CTNNA2: variants seen among roughly 807,000 people sequenced by gnomAD.
CTNNA2 encodes catenin alpha-2.
In CTNNA2, 42 loss-of-function variants were observed where a neutral mutation model predicts 101.0. That is an observed-to-expected ratio of 0.42 (90% confidence interval 0.32 to 0.54). The LOEUF is 0.54. Among genes scored for constraint, CTNNA2 ranks in the 20% least tolerant of loss-of-function variants. The probability of loss-of-function intolerance (pLI) is 0.14; values close to 1 mark genes in which losing one functional copy is unlikely to be tolerated. For synonymous variants in CTNNA2, 450 were observed against 456.4 expected, an observed-to-expected ratio of 0.99 and a Z score of 0.18; for missense variants, 871 against 1,223.1, an observed-to-expected ratio of 0.71 and a Z score of 4.29.
intron 1 of CTNNA2, among the ~76,000 whole-genome samples, chr2:79,644,130 C>T (rs995923944): frequency 4.6e-5 from 7 of 152,140 alleles, no homozygotes; most frequent in East Asian, 1.9e-4. Context: ...CTCTGCCTAC[C>T]GGGTTCAAAC....
At chr2:79,316,672 A>G (rs1235073027) in intron 3 of CTNNA2, among the ~76,000 whole-genome samples, 2 of 151,572 alleles carry the variant, frequency 1.3e-5, no homozygotes, top group Non-Finnish European at 3.0e-5. Flanking sequence ...ACTATTTTTA[A>G]TATAATTATA....
intron 7 of CTNNA2, among the ~76,000 whole-genome samples, chr2:80,020,998 T>TC (rs1694520161): frequency 7.1e-6 from 1 of 141,630 alleles, no homozygotes; most frequent in Non-Finnish European, 1.5e-5. Context: ...ATCATCTTTT[T>TC]TTTTTTTTTT....
chr2:79,403,933 T>C (rs1678314513), intron 4 of CTNNA2, among the ~76,000 whole-genome samples: 1 of 151,962 alleles, frequency 6.6e-6, no homozygotes, highest in Non-Finnish European at 1.5e-5. Context: ...GAAATTCTCA[T>C]CCAAACTGAT....
At chr2:79,815,162 T>C (rs556602069) in intron 3 of CTNNA2, among the ~76,000 whole-genome samples, 1 of 152,288 alleles carries the variant, frequency 6.6e-6, no homozygotes, top group East Asian at 1.9e-4. Context: ...TTGTAGATTT[T>C]GGATATTCGT....
At chr2:79,964,689 C>T (rs1689907714) in intron 7 of CTNNA2, among the ~76,000 whole-genome samples, 2 of 152,150 alleles carry the variant, frequency 1.3e-5, no homozygotes, top group Non-Finnish European at 2.9e-5. Flanking sequence ...AATGTGCTGA[C>T]AATAATGAAT....
chr2:79,851,706 T>C (rs1680719449), intron 3 of CTNNA2, among the ~76,000 whole-genome samples: 1 of 150,920 alleles, frequency 6.6e-6, no homozygotes, highest in African/African-American at 2.4e-5. Context: ...TCATCCTTTT[T>C]TTTCTTTTTC....
In CTNNA2 at chr2:80,302,247, A is replaced by C. The variant is rs200230146; in HGVS notation, c.1057-90964A>C. 1.6e-5 allele frequency: 25 copies of C among 1,611,130 alleles called. No homozygotes were observed. In the African/African-American group the frequency reaches 2.8e-4, roughly 18 times the overall value. On this transcript the variant is annotated intron_variant, in intron 7 of 18. Coordinates refer to ENST00000402739, the MANE Select transcript of CTNNA2 (RefSeq NM_001282597.3). This position sits in a 1 kb window ranked among gnomAD's most constrained non-coding sequence, Gnocchi z 6.4. ...AGCGCATGGGTTGAGAGCCACTGGG[A>C]CAATCACACCTCGCATTCCCTCGCG...
intron 7 of CTNNA2, among the ~76,000 whole-genome samples, chr2:80,159,970 T>C (rs1704213883): frequency 6.6e-6 from 1 of 152,302 alleles, no homozygotes; most frequent in South Asian, 2.1e-4. Context: ...ATTTTGCATT[T>C]GAGCTGTGAT....
At chr2:80,463,918 G>A (rs531487883) in intron 9 of CTNNA2, among the ~76,000 whole-genome samples, 12 of 152,260 alleles carry the variant, frequency 7.9e-5, no homozygotes, top group Admixed American at 7.9e-4. Context: ...TACTTTTAGG[G>A]ACTTGTAGCT....
At position 79,578,548 on chromosome 2, in the gene CTNNA2, A is replaced by AT. The variant is rs1675939547; in HGVS notation, c.-6+65348dup. Among the ~76,000 whole-genome samples, 4 of 151,984 alleles carry AT rather than the reference A, an allele frequency of 2.6e-5. No homozygotes were observed. In the South Asian group the frequency reaches 8.3e-4, roughly 32 times the overall value. On this transcript the variant is annotated intron_variant, in intron 1 of 18. Coordinates refer to ENST00000402739, the MANE Select transcript of CTNNA2 (RefSeq NM_001282597.3). ...TAAGTCTATGATTTATTTAGAATAT[A>AT]TTTTTTTCTGTATGGGTGAAGTAGG...
intron 7 of CTNNA2, among the ~76,000 whole-genome samples, chr2:80,392,526 A>T (rs1677609554): frequency 6.6e-6 from 1 of 152,198 alleles, no homozygotes; most frequent in Non-Finnish European, 1.5e-5. Flanking sequence ...AAAAGCAAAG[A>T]AATAGGAAAC....
rs568860119 is a variant in CTNNA2 at position 80,555,326 on chromosome 2, A to C, written c.1541-367A>C. ...TGTCGTGTGTAAGTATCAAACTTCA[A>C]AACAAAGGAAGGGATATTCTTTAAG... On this transcript the variant is annotated intron_variant, in intron 11 of 18. Coordinates refer to ENST00000402739, the MANE Select transcript of CTNNA2 (RefSeq NM_001282597.3). Among the ~76,000 whole-genome samples, 15 of 152,326 alleles carry C rather than the reference A, an allele frequency of 9.8e-5. No individual in the cohort carries two copies. In the East Asian group the frequency reaches 2.5e-3, roughly 26 times the overall value.
intron 2 of CTNNA2, among the ~76,000 whole-genome samples, chr2:79,670,002 G>C (rs1682717416): frequency 6.6e-6 from 1 of 152,192 alleles, no homozygotes; most frequent in African/African-American, 2.4e-5. Context: ...AGCAGACGCT[G>C]GGAGGAGAGA....
chr2:79,698,251 T>C (rs1280586861), intron 2 of CTNNA2, among the ~76,000 whole-genome samples: 1 of 152,036 alleles, frequency 6.6e-6, no homozygotes, highest in East Asian at 1.9e-4. Context: ...TCTTAATATT[T>C]TGGAATTGTT....
At chr2:80,399,726 CCTT>C (rs1188446607) in intron 8 of CTNNA2, among the ~76,000 whole-genome samples, 2 of 152,172 alleles carry the variant, frequency 1.3e-5, no homozygotes, top group Non-Finnish European at 2.9e-5. Context: ...ATTCCCAACA[CCTT>C]CTTCTATTTT....
intron 4 of CTNNA2, among the ~76,000 whole-genome samples, chr2:79,396,278 C>A (rs1306273261): frequency 6.6e-6 from 1 of 152,052 alleles, no homozygotes; most frequent in Non-Finnish European, 1.5e-5. Context: ...CCTGTCTCAG[C>A]CTCCTGAGTA....
rs184832432 is a variant in CTNNA2, at chr2:80,565,995, G to A, written c.1742-8168G>A. Among the ~76,000 whole-genome samples the A allele has an allele frequency of 5.3e-5, 8 of 152,160 alleles. No homozygotes were observed. In the East Asian group the frequency reaches 7.7e-4, roughly 15 times the overall value. On this transcript the variant is annotated intron_variant, in intron 12 of 18. Transcript: ENST00000402739. Reference sequence around the variant, plus strand: ...TGGAACCAATAAATATGCTTGAAACGTAGATCAAGCATCGTTGCTACAATT... The same window carrying A: ...TGGAACCAATAAATATGCTTGAAACATAGATCAAGCATCGTTGCTACAATT...
chr2:79,272,603 T>A (rs1675113250), intron 2 of CTNNA2, among the ~76,000 whole-genome samples: 1 of 152,062 alleles, frequency 6.6e-6, no homozygotes. Flanking sequence ...TTAAGGAAAT[T>A]AAAATTTAGA....
chr2:79,692,734 GA>G (rs1684390863), intron 2 of CTNNA2, among the ~76,000 whole-genome samples: 1 of 151,940 alleles, frequency 6.6e-6, no homozygotes, highest in African/African-American at 2.4e-5. Flanking sequence ...GGACATGGAT[GA>G]AGCTGGAAAC....
Sources: allele counts gnomAD v4.1 joint callset (sites outside exome capture counted in the v4.1 genomes callset), GRCh38; gene constraint gnomAD v4.1.1; non-coding constraint Gnocchi (gnomAD v3.1); transcripts MANE v1.5; gene names NCBI Gene and HGNC (gene_info 2026-07-23, HGNC 2026-07-21).